SEMA3A: variants seen among roughly 807,000 people sequenced by gnomAD.
The protein encoded by SEMA3A is semaphorin 3A.
SEMA3A carries 29 observed loss-of-function variants against 97.9 expected under a neutral mutation model. The observed-to-expected ratio is 0.30, with a 90% CI of 0.22 to 0.40. SEMA3A has a LOEUF of 0.40. Ranked by LOEUF, SEMA3A falls within the 10% of genes least tolerant of loss-of-function variation. SEMA3A has a pLI of 1.00. For missense variants in SEMA3A, 763 were observed against 951.3 expected, an observed-to-expected ratio of 0.80 and a Z score of 2.60; for synonymous variants, 321 against 323.7, an observed-to-expected ratio of 0.99 and a Z score of 0.09.
intron 1 of SEMA3A, among the ~76,000 whole-genome samples, chr7:84,477,299 C>T (rs1401118131): frequency 6.7e-6 from 1 of 150,356 alleles, no homozygotes; most frequent in African/African-American, 2.4e-5. Context: ...ATTAGCCAGG[C>T]ATGGTGGAGG....
intron 2 of SEMA3A, among the ~76,000 whole-genome samples, chr7:84,331,403 G>C (rs1801905659): frequency 6.6e-6 from 1 of 152,096 alleles, no homozygotes; most frequent in Non-Finnish European, 1.5e-5. Flanking sequence ...GTTTGAAAAT[G>C]AAAGATTCAG....
chr7:84,433,904 C>T (rs1437775802), intron 1 of SEMA3A, among the ~76,000 whole-genome samples: 1 of 152,128 alleles, frequency 6.6e-6, no homozygotes, highest in South Asian at 2.1e-4. Flanking sequence ...ATATTCTTCA[C>T]ACACTTTTTG....
intron 3 of SEMA3A, among the ~76,000 whole-genome samples, chr7:84,226,798 A>G (rs1296215578): frequency 6.6e-6 from 1 of 152,108 alleles, no homozygotes; most frequent in East Asian, 1.9e-4. Context: ...TACAGTTTTC[A>G]AAAACATCTA....
chr7:83,984,608 C>CTTTTTTTT (rs371082897), intron 13 of SEMA3A, among the ~76,000 whole-genome samples: 7 of 98,880 alleles, frequency 7.1e-5, no homozygotes, highest in Admixed American at 1.4e-4. Flanking sequence ...GATTTTTCTG[C>CTTTTTTTT]TTTTTTTTTT....
intron 2 of SEMA3A, among the ~76,000 whole-genome samples, chr7:84,321,122 G>A (rs1801632287): frequency 6.6e-6 from 1 of 152,106 alleles, no homozygotes; most frequent in Admixed American, 6.5e-5. Context: ...AAAAAATCAA[G>A]TGATTTGGAC....
chr7:84,134,900 G>T lies in SEMA3A; in HGVS notation c.164C>A (p.Ser55Tyr). 3 of 1,613,876 alleles carry T rather than the reference G, an allele frequency of 1.9e-6. No individual in the cohort carries two copies. In the South Asian group the frequency reaches 3.3e-5, roughly 18 times the overall value. ...ATCCAAAAGGAAGGTATGATAACTG[G>T]AGCTGTTGGCCAAGCCATTGAAAGT... Reference protein sequence around the residue: ...VITFNGLANSSSYHTFLLDEE... With the variant: ...VITFNGLANSYSYHTFLLDEE... Residue 55 changes from serine (S) to tyrosine (Y), a missense_variant, in exon 2 of 17, where the codon TCC becomes TAC. This residue lies in a region of SEMA3A where 85 missense variants were observed against 70.0 expected (regional missense o/e 1.21). Coordinates refer to ENST00000265362, the MANE Select transcript of SEMA3A (RefSeq NM_006080.3).
Position 84,099,079 on chromosome 7 carries a change from T to TAAAAA in SEMA3A, c.453+11390_453+11391insTTTTT, listed in dbSNP as rs1794867244. Among the ~76,000 whole-genome samples the TAAAAA allele has an allele frequency of 3.8e-5, 2 of 52,284 alleles. 1 individual carries two copies. The highest frequency in any genetic ancestry group is 1.3e-4 in the Non-Finnish European group (2 of 15,474). 34.3% of individuals were successfully genotyped at this position (52,284 alleles called of 152,430 possible). ...AATTACATTTTCTTTTTTTTTCTTT[T>TAAAAA]TTTTTTTTTGAGACGGAGTCTCGCT... is the stretch of plus-strand genomic sequence containing the variant. On this transcript the variant is annotated intron_variant, in intron 4 of 16. Coordinates refer to ENST00000265362, the MANE Select transcript of SEMA3A (RefSeq NM_006080.3).
intron 2 of SEMA3A, among the ~76,000 whole-genome samples, chr7:84,316,136 A>C (rs1419910428): frequency 7.6e-6 from 1 of 132,062 alleles, no homozygotes; most frequent in Admixed American, 7.2e-5. Flanking sequence ...ATCTCAAAAA[A>C]AAAAAAAAAA....
intron 1 of SEMA3A, among the ~76,000 whole-genome samples, chr7:84,387,894 G>C (rs1218683937): frequency 6.6e-6 from 1 of 152,140 alleles, no homozygotes; most frequent in East Asian, 1.9e-4. Context: ...GATACCATTA[G>C]ATGTTGCTCT....
chr7:84,365,478 C>A (rs1392951555), intron 2 of SEMA3A, among the ~76,000 whole-genome samples: 2 of 136,498 alleles, frequency 1.5e-5, no homozygotes, highest in African/African-American at 2.9e-5. Context: ...AGGATTCAAA[C>A]CCTCATCTCT....
intron 3 of SEMA3A, among the ~76,000 whole-genome samples, chr7:84,248,701 A>G (rs986730919): frequency 6.6e-6 from 1 of 151,988 alleles, no homozygotes; most frequent in African/African-American, 2.4e-5. Context: ...ATATCTCCTA[A>G]AACAACTCCA....
intron 1 of SEMA3A, among the ~76,000 whole-genome samples, chr7:84,152,971 C>T (rs1470167112): frequency 1.3e-5 from 2 of 151,984 alleles, no homozygotes; most frequent in African/African-American, 2.4e-5. Flanking sequence ...TTTCTAAGTA[C>T]TCAAGGTGGA....
intron 1 of SEMA3A, among the ~76,000 whole-genome samples, chr7:84,189,079 G>A (rs1015607066): frequency 2.0e-5 from 3 of 151,756 alleles, no homozygotes; most frequent in African/African-American, 7.2e-5. Flanking sequence ...CCTTTATATA[G>A]TGCATTAGAA....
intron 4 of SEMA3A, among the ~76,000 whole-genome samples, chr7:84,097,697 T>C (rs1794819875): frequency 2.0e-5 from 3 of 152,166 alleles, no homozygotes. Context: ...TTTTCACCTA[T>C]AAATGTATAA....
intron 4 of SEMA3A, among the ~76,000 whole-genome samples, chr7:84,079,850 T>C (rs190592294): frequency 7.0e-6 from 1 of 142,468 alleles, no homozygotes; most frequent in South Asian, 2.4e-4. Context: ...ATCCCATTAC[T>C]GGGTATATAC....
intron 1 of SEMA3A, among the ~76,000 whole-genome samples, chr7:84,487,072 C>T (rs1453834929): frequency 6.6e-6 from 1 of 152,076 alleles, no homozygotes; most frequent in Non-Finnish European, 1.5e-5. Flanking sequence ...CAGCTAACTT[C>T]TACTGTGAAC....
chr7:84,116,212 T>A (rs887494160), intron 3 of SEMA3A, among the ~76,000 whole-genome samples: 1 of 152,136 alleles, frequency 6.6e-6, no homozygotes, highest in African/African-American at 2.4e-5. Context: ...ATATAAAATA[T>A]TATCTTAATA....
At chr7:84,469,207 A>G (rs1026785659) in intron 1 of SEMA3A, among the ~76,000 whole-genome samples, 3 of 152,192 alleles carry the variant, frequency 2.0e-5, no homozygotes, top group Admixed American at 2.0e-4. Flanking sequence ...AAATGATGTA[A>G]TATTACTTCC....
At chr7:84,455,590 C>A (rs1025377750) in intron 1 of SEMA3A, among the ~76,000 whole-genome samples, 4 of 151,840 alleles carry the variant, frequency 2.6e-5, no homozygotes, top group Admixed American at 6.6e-5. Flanking sequence ...CTCAGTTCTT[C>A]ATTTGAAGAC....
Sources: allele counts gnomAD v4.1 joint callset (sites outside exome capture counted in the v4.1 genomes callset), GRCh38; gene constraint gnomAD v4.1.1; regional missense constraint gnomAD v4.1.1; transcripts MANE v1.5; gene names NCBI Gene and HGNC (gene_info 2026-07-23, HGNC 2026-07-21).